The following HS3ST3A1 variants were observed in gnomAD, a reference collection of about 807,000 sequenced individuals.
HS3ST3A1 encodes the protein heparan sulfate glucosamine 3-O-sulfotransferase 3A1.
A neutral mutation model predicts 25.7 loss-of-function variants in HS3ST3A1; 19 were observed. The ratio of observed to expected loss-of-function variants is 0.74; its 90% CI spans 0.52 to 1.08. The LOEUF is 1.08. Among genes scored for constraint, HS3ST3A1 ranks in the 50% least tolerant of loss-of-function variants. The pLI is 0.00. For missense variants in HS3ST3A1, 459 were observed against 594.3 expected, an observed-to-expected ratio of 0.77 and a Z score of 2.37; for synonymous variants, 226 against 278.6, an observed-to-expected ratio of 0.81 and a Z score of 1.88.
intron 1 of HS3ST3A1, among the ~76,000 whole-genome samples, chr17:13,502,121 AC>A (rs1905497101): frequency 6.6e-6 from 1 of 151,832 alleles, no homozygotes; most frequent in Non-Finnish European, 1.5e-5. Context: ...CTGATCTGTC[AC>A]CCTGGGTAAG....
At chr17:13,564,364 T>A (rs1186363017) in intron 1 of HS3ST3A1, among the ~76,000 whole-genome samples, 2 of 152,220 alleles carry the variant, frequency 1.3e-5, no homozygotes, top group Non-Finnish European at 2.9e-5. Flanking sequence ...TTAATCCATT[T>A]AAATTTATTT....
chr17:13,503,352 A>G (rs1905550481), intron 1 of HS3ST3A1, among the ~76,000 whole-genome samples: 1 of 152,182 alleles, frequency 6.6e-6, no homozygotes, highest in African/African-American at 2.4e-5. Context: ...AATAAGTTCT[A>G]GTGTTCTGTA....
intron 1 of HS3ST3A1, among the ~76,000 whole-genome samples, chr17:13,570,418 T>C (rs1053571666): frequency 1.3e-5 from 2 of 152,182 alleles, no homozygotes; most frequent in Admixed American, 1.3e-4. Flanking sequence ...TATACGGTTT[T>C]GAAAAAAAAG....
At chr17:13,557,061 A>T (rs979461121) in intron 1 of HS3ST3A1, among the ~76,000 whole-genome samples, 3 of 152,186 alleles carry the variant, frequency 2.0e-5, no homozygotes, top group Admixed American at 6.5e-5. Flanking sequence ...CCAAATTAAA[A>T]CAAATGAGAA....
intron 1 of HS3ST3A1, among the ~76,000 whole-genome samples, chr17:13,580,531 A>C (rs1371145508): frequency 6.6e-6 from 1 of 152,226 alleles, no homozygotes; most frequent in Admixed American, 6.5e-5. Flanking sequence ...AAAAATAATA[A>C]TTTTAAAAAG....
chr17:13,498,792 G>T (rs890452837), intron 1 of HS3ST3A1, among the ~76,000 whole-genome samples: 2 of 152,004 alleles, frequency 1.3e-5, no homozygotes, highest in African/African-American at 4.8e-5. Flanking sequence ...CTGTATCTTT[G>T]GGTCTTCACC....
chr17:13,521,187 T>C (rs1458929814), intron 1 of HS3ST3A1, among the ~76,000 whole-genome samples: 1 of 152,216 alleles, frequency 6.6e-6, no homozygotes, highest in African/African-American at 2.4e-5. Context: ...GAAGTCCCCG[T>C]GTTTTGTGTT....
At chr17:13,526,516 T>TATATATATA (rs1567614552) in intron 1 of HS3ST3A1, among the ~76,000 whole-genome samples, 1 of 85,502 alleles carries the variant, frequency 1.2e-5, no homozygotes, top group African/African-American at 4.4e-5. Context: ...ATATATATAT[T>TATATATATA]ATTGGGTTGG....
intron 1 of HS3ST3A1, among the ~76,000 whole-genome samples, chr17:13,499,053 T>C (rs776874896): frequency 1.3e-5 from 2 of 152,148 alleles, no homozygotes; most frequent in Non-Finnish European, 2.9e-5. Flanking sequence ...TTGAAATAAA[T>C]GTGAACTTCC....
intron 1 of HS3ST3A1, among the ~76,000 whole-genome samples, chr17:13,498,429 C>G (rs1441623994): frequency 6.6e-6 from 1 of 152,196 alleles, no homozygotes; most frequent in East Asian, 1.9e-4. Context: ...CTCTCTCCCC[C>G]AAGGCAGGTC....
At chr17:13,515,050 G>A (rs920043080) in intron 1 of HS3ST3A1, among the ~76,000 whole-genome samples, 1 of 151,820 alleles carries the variant, frequency 6.6e-6, no homozygotes, top group East Asian at 1.9e-4. Context: ...GAGGGAAAGG[G>A]GATTTAATTA....
chr17:13,499,789 A>C (rs896640048), intron 1 of HS3ST3A1, among the ~76,000 whole-genome samples: 10 of 152,228 alleles, frequency 6.6e-5, no homozygotes, highest in Non-Finnish European at 1.3e-4. Flanking sequence ...GAAACAGCTA[A>C]AATAGGATTG....
chr17:13,510,169 G>T (rs1279394201), intron 1 of HS3ST3A1, among the ~76,000 whole-genome samples: 2 of 152,204 alleles, frequency 1.3e-5, no homozygotes, highest in African/African-American at 4.8e-5. Flanking sequence ...GCTCTGTGGT[G>T]GCTGCCACAG....
intron 1 of HS3ST3A1, among the ~76,000 whole-genome samples, chr17:13,512,230 C>T (rs902752175): frequency 7.1e-6 from 1 of 140,642 alleles, no homozygotes; most frequent in Admixed American, 7.7e-5. Context: ...ACCCGGGAAG[C>T]GGAGCTTGCA....
chr17:13,571,557 G>A (rs1907812512), intron 1 of HS3ST3A1, among the ~76,000 whole-genome samples: 1 of 152,150 alleles, frequency 6.6e-6, no homozygotes, highest in African/African-American at 2.4e-5. Context: ...AGCCTCTGAT[G>A]TCTCAGGACA....
rs74954568 is a variant in HS3ST3A1 at position 13,600,565 on chromosome 17, C to G, written c.565G>C (p.Asp189His). The G allele has an allele frequency of 1.9e-6, 3 of 1,602,190 alleles. No individual in the cohort carries two copies. In the East Asian group the frequency reaches 6.7e-5, roughly 36 times the overall value. ...RAVGAEPHFF[D>H]RSYDKGLAWY... ...GCGAGGCCCTTGTCGTAGCTGCGGT[C>G]GAAGAAGTGGGGCTCGGCGCCCACG... Residue 189 changes from aspartate to histidine, a missense_variant, in exon 1 of 2, where the codon GAC becomes CAC. By Grantham distance (81) the Asp-to-His change is moderately conservative (BLOSUM62 -1). This residue lies in a region of HS3ST3A1 where 346 missense variants were observed against 303.9 expected (regional missense o/e 1.14). Coordinates refer to ENST00000284110, the MANE Select transcript of HS3ST3A1 (RefSeq NM_006042.3).
chr17:13,535,028 AAAATAAAT>A (rs71312976), intron 1 of HS3ST3A1, among the ~76,000 whole-genome samples: 3 of 149,338 alleles, frequency 2.0e-5, no homozygotes, highest in Non-Finnish European at 3.0e-5. Context: ...CTCCATCTCA[AAAATAAAT>A]AAATAAATAA....
At chr17:13,521,610 A>G (rs1304646510) in intron 1 of HS3ST3A1, among the ~76,000 whole-genome samples, 1 of 152,222 alleles carries the variant, frequency 6.6e-6, no homozygotes, top group African/African-American at 2.4e-5. Flanking sequence ...ATGGCCTTCA[A>G]GGTCTCACAA....
rs189135969 is a variant in HS3ST3A1 at position 13,601,423 on chromosome 17, C to A, written c.-294G>T. ...CGCCCAAGTCCTGAGCTTGGGGCAG[C>A]CTTGGCCCCTCGGTTCCCCGCAAGA... On this transcript the variant is annotated 5_prime_UTR_variant, in exon 1 of 2. Coordinates refer to ENST00000284110, the MANE Select transcript of HS3ST3A1 (RefSeq NM_006042.3). 7 of 334,156 alleles carry A rather than the reference C, an allele frequency of 2.1e-5. No individual in the cohort carries two copies. Among genetic ancestry groups the A allele is most frequent in the Non-Finnish European group, 3.2e-5 (6 of 185,828 alleles). 20.7% of individuals were successfully genotyped at this position (334,156 alleles called of 1,614,324 possible).
Sources: allele counts gnomAD v4.1 joint callset (sites outside exome capture counted in the v4.1 genomes callset), GRCh38; gene constraint gnomAD v4.1.1; regional missense constraint gnomAD v4.1.1; transcripts MANE v1.5; gene names NCBI Gene and HGNC (gene_info 2026-07-23, HGNC 2026-07-21).